SEMA3D: variants seen among roughly 807,000 people sequenced by gnomAD.
SEMA3D encodes the protein semaphorin-3D.
SEMA3D carries 84 observed loss-of-function variants against 100.1 expected under a neutral mutation model. The ratio of observed to expected loss-of-function variants is 0.84; its 90% CI spans 0.70 to 1.01. The LOEUF (loss-of-function observed/expected upper bound fraction) is 1.01. Among genes scored for constraint, SEMA3D ranks in the 50% least tolerant of loss-of-function variants. The probability of loss-of-function intolerance (pLI) is 0.00; values close to 1 mark genes in which losing one functional copy is unlikely to be tolerated. For missense variants in SEMA3D, 875 were observed against 934.1 expected, an observed-to-expected ratio of 0.94 and a Z score of 0.82; for synonymous variants, 312 against 320.7, an observed-to-expected ratio of 0.97 and a Z score of 0.29.
chr7:85,066,352 G>A lies in SEMA3D; in HGVS notation c.590-800C>T, dbSNP rs369466356. ...AGAAGGGAAGTAAGAGGAAGAGGGGGAAAAGAGGAGGCAGGAGAAGGGGAG... is the reference window on the plus strand; with the variant it reads ...AGAAGGGAAGTAAGAGGAAGAGGGGAAAAAGAGGAGGCAGGAGAAGGGGAG... On this transcript the variant is annotated intron_variant, in intron 7 of 18. Transcript: ENST00000284136. Among the ~76,000 whole-genome samples the A allele has an allele frequency of 5.3e-5, 8 of 151,938 alleles. No individual in the cohort carries two copies. In the East Asian group the frequency reaches 1.2e-3, roughly 22 times the overall value.
chr7:85,089,427 A>G (rs1379929749), intron 4 of SEMA3D, among the ~76,000 whole-genome samples: 1 of 148,306 alleles, frequency 6.7e-6, no homozygotes, highest in African/African-American at 2.6e-5. Flanking sequence ...ATTTTTTAAC[A>G]TAATACTTCG....
intron 3 of SEMA3D, 38 bp from the exon 4 acceptor site, chr7:85,098,003 A>AAAAG (rs749422475): frequency 1.7e-6 from 2 of 1,173,906 alleles, no homozygotes; most frequent in Non-Finnish European, 2.3e-6. Flanking sequence ...GGAGAAAGAA[A>AAAAG]AAAGAAAGAA....
intron 1 of SEMA3D, among the ~76,000 whole-genome samples, chr7:85,154,353 A>G (rs1027749861): frequency 1.3e-5 from 2 of 151,972 alleles, no homozygotes; most frequent in African/African-American, 4.8e-5. Flanking sequence ...ATCTTATTTT[A>G]TTTTTTAGAA....
chr7:85,248,705 A>G, the SEMA3D span, among the ~76,000 whole-genome samples: 2 of 152,258 alleles, frequency 1.3e-5, no homozygotes, highest in African/African-American at 2.4e-5. Context: ...GCACTTCACT[A>G]AGTGAAAGAA....
chr7:85,139,784 T>C (rs114976065), intron 2 of SEMA3D, among the ~76,000 whole-genome samples: 58 of 152,200 alleles, frequency 3.8e-4, no homozygotes, highest in African/African-American at 1.3e-3. Context: ...TTAAAACTTA[T>C]GAAATACTAT....
At chr7:85,157,694 A>C in intron 1 of SEMA3D, 1 of 972,474 alleles carries the variant, frequency 1.0e-6, no homozygotes, top group South Asian at 4.8e-5. Flanking sequence ...ACAAGCCAAC[A>C]AAGGCTCTGC....
At chr7:85,152,226 T>C (rs1280873951) in intron 2 of SEMA3D, among the ~76,000 whole-genome samples, 1 of 152,080 alleles carries the variant, frequency 6.6e-6, no homozygotes, top group Non-Finnish European at 1.5e-5. Flanking sequence ...AATGTGTAAA[T>C]AAGTAATGAA....
Position 85,064,787 on chromosome 7 carries a change from A to G in SEMA3D, c.718+637T>C, listed in dbSNP as rs367775155. Among the ~76,000 whole-genome samples, 3 of 152,160 alleles carry G rather than the reference A, an allele frequency of 2.0e-5. No individual in the cohort carries two copies. The South Asian group carries it at 6.2e-4, about 31-fold the overall frequency. ...TTGTAGTGTTCCTTGGATTAATTAA[A>G]TAAACTCATTTATAATATTCTTATG... On this transcript the variant is annotated intron_variant, in intron 8 of 18. Transcript: ENST00000284136.
chr7:85,042,747 G>A (rs1325330527), intron 9 of SEMA3D, among the ~76,000 whole-genome samples: 2 of 152,068 alleles, frequency 1.3e-5, no homozygotes, highest in Non-Finnish European at 2.9e-5. Context: ...TCACAGGCAA[G>A]ATCATTGCCT....
At chr7:85,069,538 T>G (rs1445604909) in intron 6 of SEMA3D, among the ~76,000 whole-genome samples, 2 of 152,168 alleles carry the variant, frequency 1.3e-5, no homozygotes, top group Non-Finnish European at 2.9e-5. Flanking sequence ...ATGTGCTTCC[T>G]GAAATAAACT....
At chr7:85,142,161 C>T (rs1050336101) in intron 2 of SEMA3D, 2 of 984,640 alleles carry the variant, frequency 2.0e-6, no homozygotes, top group Non-Finnish European at 2.4e-6. Context: ...CTGAAAAGGA[C>T]AATTCGCTCA....
chr7:85,166,834 T>C (rs887721242), intron 1 of SEMA3D, among the ~76,000 whole-genome samples: 1 of 151,998 alleles, frequency 6.6e-6, no homozygotes, highest in African/African-American at 2.4e-5. Flanking sequence ...AGCCCCGTTT[T>C]ATTTTTGACA....
chr7:85,076,148 A>G (rs1485788092), intron 5 of SEMA3D, among the ~76,000 whole-genome samples: 1 of 152,158 alleles, frequency 6.6e-6, no homozygotes, highest in African/African-American at 2.4e-5. Context: ...TCCAGGGAGT[A>G]ATGTATTCAA....
the SEMA3D span, among the ~76,000 whole-genome samples, chr7:85,203,986 C>G: frequency 7.2e-5 from 11 of 151,856 alleles, no homozygotes; most frequent in Non-Finnish European, 1.6e-4. Flanking sequence ...AGCAATGACC[C>G]ATGGAATGAG....
intron 2 of SEMA3D, among the ~76,000 whole-genome samples, chr7:85,135,668 T>TAAAG (rs1251529761): frequency 1.0e-4 from 14 of 138,536 alleles, no homozygotes; most frequent in African/African-American, 3.6e-4. Flanking sequence ...AATAAATAAA[T>TAAAG]AAATAAATAA....
At chr7:85,119,514 GA>G (rs770247910) in intron 3 of SEMA3D, among the ~76,000 whole-genome samples, 3 of 151,970 alleles carry the variant, frequency 2.0e-5, no homozygotes, top group African/African-American at 7.2e-5. Context: ...TAATGGAGGG[GA>G]AAAAATACTG....
chr7:85,245,663 C>T, the SEMA3D span, among the ~76,000 whole-genome samples: 6 of 152,100 alleles, frequency 3.9e-5, no homozygotes, highest in Admixed American at 2.0e-4. Context: ...AAAGATAAGC[C>T]GATTAAATAT....
intron 3 of SEMA3D, among the ~76,000 whole-genome samples, chr7:85,114,607 A>G (rs917897927): frequency 6.6e-6 from 1 of 152,208 alleles, no homozygotes; most frequent in Non-Finnish European, 1.5e-5. Context: ...TCTATCCTGC[A>G]TTCAGTCTCT....
intron 1 of SEMA3D, among the ~76,000 whole-genome samples, chr7:85,180,217 TAGTG>T (rs1241657146): frequency 6.6e-6 from 1 of 152,190 alleles, no homozygotes; most frequent in Non-Finnish European, 1.5e-5. Flanking sequence ...GTTCTTATGA[TAGTG>T]AGTGAGTTCT....
Sources: gnomAD v4.1 joint callset for allele counts (sites outside exome capture counted in the v4.1 genomes callset) on GRCh38, gnomAD v4.1.1 for gene constraint, MANE v1.5 for transcripts, NCBI Gene and HGNC (gene_info 2026-07-23, HGNC 2026-07-21) for gene names.